Variants in WNK1 observed in about 807,000 individuals in gnomAD.
The protein encoded by WNK1 is WNK lysine deficient protein kinase 1.
Under a neutral mutation model 222.8 loss-of-function variants are expected in WNK1, and 38 were observed. The observed-to-expected ratio is 0.17, with a 90% CI of 0.13 to 0.22. WNK1 has a LOEUF of 0.22. Among genes scored for constraint, WNK1 ranks in the 10% least tolerant of loss-of-function variants. The probability of loss-of-function intolerance (pLI) is 1.00; values close to 1 mark genes in which losing one functional copy is unlikely to be tolerated. For synonymous variants in WNK1, 1,090 were observed against 1,092.9 expected (o/e 1.00, Z 0.05); for missense variants, 2,348 against 2,918.4 (o/e 0.80, Z 4.50).
Position 859,460 on chromosome 12 carries a change from A to G in WNK1, c.1616A>G (p.Glu539Gly). ...ERDVPEDVAQ[E>G]MVESGYVCEG... Reference sequence around the variant, plus strand: ...GATGTCCCAGAAGATGTTGCACAAGAAATGGTAAATTGACATTAGCCATTT... The same window carrying G: ...GATGTCCCAGAAGATGTTGCACAAGGAATGGTAAATTGACATTAGCCATTT... Residue 539 changes from glutamate to glycine, a missense_variant, in exon 6 of 28, where the codon GAA becomes GGA. Transcript: ENST00000315939. The G allele has an allele frequency of 6.2e-7, 1 of 1,608,804 alleles. No homozygotes were observed. The highest frequency in any genetic ancestry group is 8.5e-7 in the Non-Finnish European group (1 of 1,176,592).
intron 1 of WNK1, among the ~76,000 whole-genome samples, chr12:807,463 A>G (rs1946472360): frequency 6.6e-6 from 1 of 151,648 alleles, no homozygotes; most frequent in Non-Finnish European, 1.5e-5. Context: ...ATTCTTTGAG[A>G]TGCTTGTCTT....
intron 1 of WNK1, among the ~76,000 whole-genome samples, chr12:795,296 GTT>G (rs35447912): frequency 3.8e-4 from 50 of 133,012 alleles, no homozygotes; most frequent in South Asian, 3.1e-3. Context: ...ATTTTCCGTT[GTT>G]TTTTTTTTTT....
chr12:884,894 A>T lies in WNK1; in HGVS notation c.4090A>T (p.Asn1364Tyr), dbSNP rs762856906. 1 of 1,614,050 alleles carries T rather than the reference A, an allele frequency of 6.2e-7. No homozygotes were observed. The highest frequency in any genetic ancestry group is 8.5e-7 in the Non-Finnish European group (1 of 1,179,992). ...AGTCCCTGCAACAAGCAGCCCTCCT[A>T]ATGACATTTCCACATCAGTAATTCA... ...APVPATSSPP[N>Y]DISTSVIQSE... is the part of the protein sequence containing the mutation. The change falls in exon 19 of 28, where the codon AAT (asparagine) becomes TAT (tyrosine). Residue 1364 changes from asparagine (N) to tyrosine (Y), a missense_variant. Asn to Tyr is a moderately radical substitution (Grantham distance 143, BLOSUM62 -2). Transcript: ENST00000315939. This position sits in a 1 kb window ranked among gnomAD's most constrained non-coding sequence, Gnocchi z 5.6.
chr12:814,244 G>A (rs1410153434), intron 2 of WNK1, among the ~76,000 whole-genome samples: 1 of 151,398 alleles, frequency 6.6e-6, no homozygotes, highest in East Asian at 1.9e-4. Flanking sequence ...CAGGAGAATC[G>A]CTTGAACCTA....
chr12:812,629 C>G (rs1947011167), intron 1 of WNK1, among the ~76,000 whole-genome samples: 1 of 151,908 alleles, frequency 6.6e-6, no homozygotes, highest in Admixed American at 6.5e-5. Context: ...CTTTTGGCGA[C>G]AGAGTGAGAA....
At chr12:906,893 G>A in intron 26 of WNK1, 1 of 354,818 alleles carries the variant, frequency 2.8e-6, no homozygotes, top group Non-Finnish European at 3.9e-6. Flanking sequence ...AAATTAACTG[G>A]GTGTGGAAGT....
At chr12:895,697 G>A (rs914813250) in intron 23 of WNK1, among the ~76,000 whole-genome samples, 12 of 152,168 alleles carry the variant, frequency 7.9e-5, no homozygotes, top group Non-Finnish European at 1.6e-4. Context: ...GACCTCAAGT[G>A]ATCCACCTGC....
At chr12:871,392 A>G (rs1237617003) in intron 9 of WNK1, 44 bp downstream of exon 9, 2 of 1,585,852 alleles carry the variant, frequency 1.3e-6, no homozygotes, top group South Asian at 1.1e-5. Flanking sequence ...AGCAGTGGCC[A>G]GAACACTATT....
intron 4 of WNK1, among the ~76,000 whole-genome samples, chr12:837,625 G>A (rs1949299719): frequency 6.6e-6 from 1 of 151,262 alleles, no homozygotes; most frequent in South Asian, 2.1e-4. Flanking sequence ...AAATTTGGCT[G>A]TTGGGATTGG....
Position 884,600 on chromosome 12 carries a change from C to A in WNK1, c.3845-49C>A. 6.4e-7 allele frequency: 1 copy of A among 1,567,796 alleles called. No homozygotes were observed. Among genetic ancestry groups the A allele is most frequent in the Non-Finnish European group, 8.8e-7 (1 of 1,139,100 alleles). ...TAGGCTAGCAGACAATCTTTTGAATCCATCCTTTTAAAATCAGCTGATTCT... is the reference window on the plus strand; with the variant it reads ...TAGGCTAGCAGACAATCTTTTGAATACATCCTTTTAAAATCAGCTGATTCT... On this transcript the variant is annotated intron_variant, in intron 18 of 27. Transcript: ENST00000315939. This position sits in a 1 kb window ranked among gnomAD's most constrained non-coding sequence, Gnocchi z 5.6.
At chr12:848,507 T>C (rs1364285377) in intron 4 of WNK1, among the ~76,000 whole-genome samples, 1 of 149,292 alleles carries the variant, frequency 6.7e-6, no homozygotes, top group East Asian at 2.0e-4. Flanking sequence ...TTTTTTTTTT[T>C]TTTTTTTTTG....
At chr12:875,141 A>G (rs1394362486) in intron 9 of WNK1, among the ~76,000 whole-genome samples, 3 of 152,236 alleles carry the variant, frequency 2.0e-5, no homozygotes, top group Non-Finnish European at 2.9e-5. Flanking sequence ...ATGTGAAGGT[A>G]TAAGTTCAGG....
intron 4 of WNK1, among the ~76,000 whole-genome samples, chr12:856,958 T>G (rs2240283): frequency 2.0e-5 from 3 of 152,006 alleles, no homozygotes; most frequent in Non-Finnish European, 4.4e-5. Flanking sequence ...TAAGTGACCC[T>G]GCTGTCACTG....
In WNK1 at chr12:910,292, A is replaced by G. The variant is rs755837296; in HGVS notation, c.*1500A>G. The G allele has an allele frequency of 4.8e-5, 7 of 145,300 alleles. No homozygotes were observed. The highest frequency in any genetic ancestry group is 1.8e-4 in the African/African-American group (7 of 39,954). The allele number at this position is 145,300 out of a possible 1,614,324, so 9.0% of individuals were successfully genotyped here. A position where few individuals can be genotyped will look rare whatever the true frequency, so the allele number is the denominator to read the frequency against. On this transcript the variant is annotated 3_prime_UTR_variant, in exon 28 of 28. Transcript: ENST00000315939. ...CATTTTGTGGAAAGTTAATCTATCT[A>G]TCTTTCCACATCTGAATTAATCATT...
intron 1 of WNK1, among the ~76,000 whole-genome samples, chr12:811,917 C>T (rs1946943149): frequency 6.6e-6 from 1 of 152,100 alleles, no homozygotes; most frequent in Non-Finnish European, 1.5e-5. Flanking sequence ...AAACACTTAG[C>T]TATATAAAGT....
intron 1 of WNK1, among the ~76,000 whole-genome samples, chr12:770,868 G>A (rs757490508): frequency 6.6e-6 from 1 of 152,120 alleles, no homozygotes; most frequent in Non-Finnish European, 1.5e-5. Flanking sequence ...AACTTTAATT[G>A]TTGTTAAGAG....
intron 4 of WNK1, among the ~76,000 whole-genome samples, chr12:854,663 C>A (rs1950649372): frequency 6.6e-6 from 1 of 152,024 alleles, no homozygotes; most frequent in Non-Finnish European, 1.5e-5. Context: ...CTTATCTTTA[C>A]AAAAAGAAAG....
intron 4 of WNK1, among the ~76,000 whole-genome samples, chr12:844,155 G>A (rs560883453): frequency 6.7e-4 from 100 of 150,012 alleles, no homozygotes; most frequent in African/African-American, 2.3e-3. Context: ...TTTTTGAGAC[G>A]GGGTCTTGCT....
intron 15 of WNK1, 123 bp from the exon 16 acceptor site, chr12:883,272 A>C (rs1953343921): frequency 1.7e-6 from 2 of 1,196,688 alleles, no homozygotes; most frequent in Non-Finnish European, 1.2e-6. Context: ...AAAAGAGAAG[A>C]GCTAACTTGA....
Sources: allele counts gnomAD v4.1 joint callset (sites outside exome capture counted in the v4.1 genomes callset), GRCh38; gene constraint gnomAD v4.1.1; non-coding constraint Gnocchi (gnomAD v3.1); transcripts MANE v1.5; gene names NCBI Gene and HGNC (gene_info 2026-07-23, HGNC 2026-07-21).